The following GET1 variants were observed in gnomAD, a reference collection of about 807,000 sequenced individuals.
The protein encoded by GET1 is guided entry of tail-anchored proteins factor 1.
GET1 carries 20 observed loss-of-function variants against 22.6 expected under a neutral mutation model. The ratio of observed to expected loss-of-function variants is 0.89; its 90% CI spans 0.62 to 1.29. The LOEUF (loss-of-function observed/expected upper bound fraction) is 1.29, where lower values mean the gene tolerates loss of function less well. Ranked by LOEUF, GET1 falls within the 50% of genes most tolerant of loss-of-function variation. The pLI, the probability that GET1 is intolerant of heterozygous loss-of-function variation, is 0.00. For missense variants in GET1, 209 were observed against 219.9 expected (o/e 0.95, Z 0.31); for synonymous variants, 92 against 83.8 (o/e 1.10, Z -0.53).
Position 39,380,401 on chromosome 21 carries a change from C to T in GET1, c.17C>T (p.Ala6Val). The T allele has an allele frequency of 6.2e-7, 1 of 1,609,584 alleles. No individual in the cohort carries two copies. Among genetic ancestry groups the T allele is most frequent in the Non-Finnish European group, 8.5e-7 (1 of 1,177,758 alleles). MSSAAADHWAWLLVLS... is the reference protein window; with the variant it reads MSSAAVDHWAWLLVLS... ...GCGTCCGGGATGAGCTCAGCCGCGG[C>T]CGACCACTGGGCGTGGTTGCTGGTG... The change falls in exon 1 of 5, where the codon GCC (alanine) becomes GTC (valine). Residue 6 changes from alanine (A) to valine (V), a missense_variant. Physicochemically the swap from Ala to Val is moderately conservative, Grantham distance 64. Transcript: ENST00000649170.
intron 1 of GET1, among the ~76,000 whole-genome samples, chr21:39,419,891 A>T (rs764740045): frequency 3.9e-5 from 6 of 152,342 alleles, no homozygotes; most frequent in East Asian, 1.9e-4. Flanking sequence ...AAAATATTTT[A>T]AAAATTCTTA....
chr21:39,414,742 C>CTGTGTGTGTGTGTGTGTG (rs66478742), intron 1 of GET1, among the ~76,000 whole-genome samples: 8 of 99,234 alleles, frequency 8.1e-5, no homozygotes, highest in African/African-American at 2.6e-4. Flanking sequence ...CTCTCTCTCT[C>CTGTGTGTGTGTGTGTGTG]TGTGTGTGTG....
At chr21:39,393,486 G>T (rs1466292545) in intron 4 of GET1, among the ~76,000 whole-genome samples, 1 of 152,126 alleles carries the variant, frequency 6.6e-6, no homozygotes, top group East Asian at 1.9e-4. Flanking sequence ...AAATGTTAAG[G>T]AGCAAAGCTA....
chr21:39,383,108 C>A (rs1765781321), intron 1 of GET1, among the ~76,000 whole-genome samples: 1 of 150,714 alleles, frequency 6.6e-6, no homozygotes, highest in African/African-American at 2.4e-5. Flanking sequence ...CCACCACCAC[C>A]ACAACCGGCT....
chr21:39,403,682 C>T (rs1344417180), intron 4 of GET1, among the ~76,000 whole-genome samples: 7 of 150,744 alleles, frequency 4.6e-5, no homozygotes, highest in East Asian at 2.0e-4. Flanking sequence ...AGTGCAGTGG[C>T]GGGATCTTGG....
At position 39,393,275 on chromosome 21, in the gene GET1, T is replaced by C; in HGVS notation, c.446T>C (p.Val149Ala). The change falls in exon 4 of 5, where the codon GTA becomes GCA. Residue 149 changes from valine (V) to alanine (A), a missense_variant. Val to Ala is a moderately conservative substitution (Grantham distance 64). Transcript: ENST00000649170. ...LDRLVAFPTR[V>A]AGGVGITCWI... is the part of the protein sequence containing the mutation. ...CGCCTGGTAGCCTTTCCTACTAGAGTAGCAGGTAAGAATTTTCTGGAAGAT... is the reference window on the plus strand; with the variant it reads ...CGCCTGGTAGCCTTTCCTACTAGAGCAGCAGGTAAGAATTTTCTGGAAGAT... 1.9e-6 allele frequency: 3 copies of C among 1,613,094 alleles called. No homozygotes were observed. The highest frequency in any genetic ancestry group is 2.5e-6 in the Non-Finnish European group (3 of 1,179,166).
chr21:39,405,243 G>A (rs2038981399), intron 4 of GET1, among the ~76,000 whole-genome samples: 1 of 152,128 alleles, frequency 6.6e-6, no homozygotes, highest in South Asian at 2.1e-4. Flanking sequence ...GATTGCCCAA[G>A]CTAGAGTGCA....
rs753928143 is a variant in GET1, at chr21:39,420,857, A to G, written c.*24-7375A>G. The G allele has an allele frequency of 4.4e-6, 7 of 1,588,180 alleles. No individual in the cohort carries two copies. In the Middle Eastern group the frequency reaches 6.7e-4, roughly 152 times the overall value. ...TTTTTCCAAGCTCTGAAAACAGTAT[A>G]TATTATAACTATTCTGCAACCAAGT... On this transcript the variant is annotated intron_variant, in intron 1 of 1. Coordinates refer to the GET1 transcript ENST00000478273.
chr21:39,397,048 A>ATT lies in GET1; in HGVS notation c.*118_*119dup. 30 of 1,066,952 alleles carry ATT rather than the reference A, an allele frequency of 2.8e-5. No homozygotes were observed. The highest frequency in any genetic ancestry group is 5.0e-5 in the South Asian group (3 of 59,448). The allele number at this position is 1,066,952 out of a possible 1,614,324, so 66.1% of individuals were successfully genotyped here. A position where few individuals can be genotyped will look rare whatever the true frequency, so the allele number is the denominator to read the frequency against. On this transcript the variant is annotated 3_prime_UTR_variant, in exon 5 of 5. Coordinates refer to ENST00000649170, the MANE Select transcript of GET1 (RefSeq NM_004627.6). ...TAAGAAACAAAAGTGCATAGTTTAG[A>ATT]TTTTTTTTTTGTTGAATATGTTTGT...
chr21:39,390,658 C>T (rs200305169), intron 1 of GET1, 40 bp from the exon 2 acceptor site: 27 of 1,608,532 alleles, frequency 1.7e-5, no homozygotes, highest in African/African-American at 9.3e-5. Flanking sequence ...TCCTGTGACC[C>T]GTGTTGGAAG....
intron 4 of GET1, chr21:39,405,849 T>G: frequency 6.9e-7 from 1 of 1,454,392 alleles, no homozygotes; most frequent in Admixed American, 2.1e-5. Context: ...CAGCATTATA[T>G]CAAACCAGAA....
At chr21:39,417,381 T>A (rs948268679) in intron 1 of GET1, among the ~76,000 whole-genome samples, 1 of 152,212 alleles carries the variant, frequency 6.6e-6, no homozygotes, top group African/African-American at 2.4e-5. Context: ...TTTGTACTTA[T>A]GGAAATATTT....
At chr21:39,405,845 T>TTTG in intron 4 of GET1, 1 of 1,431,726 alleles carries the variant, frequency 7.0e-7, no homozygotes, top group African/African-American at 1.4e-5. Context: ...TAAGCAGCAT[T>TTTG]ATATCAAACC....
intron 4 of GET1, 87 bp downstream of exon 4, chr21:39,393,367 C>A: frequency 9.5e-7 from 1 of 1,048,886 alleles, no homozygotes; most frequent in Non-Finnish European, 1.4e-6. Context: ...GCCTGACATC[C>A]TCCTCACCGT....
At chr21:39,422,830 A>G (rs897083841) in intron 1 of GET1, 4 of 757,458 alleles carry the variant, frequency 5.3e-6, no homozygotes, top group African/African-American at 1.7e-5. Context: ...TGTGCCCTCT[A>G]TTAGACAACA....
At chr21:39,380,656 T>A in intron 1 of GET1, 170 bp downstream of exon 1, 1 of 1,422,552 alleles carries the variant, frequency 7.0e-7, no homozygotes, top group East Asian at 2.6e-5. Flanking sequence ...GGTACGACGC[T>A]TTACCCCAAA....
intron 1 of GET1, among the ~76,000 whole-genome samples, chr21:39,416,654 C>G (rs1011012742): frequency 6.9e-6 from 1 of 144,534 alleles, no homozygotes; most frequent in African/African-American, 2.7e-5. Flanking sequence ...CTCTATCTTA[C>G]TTCTGTATTT....
intron 1 of GET1, among the ~76,000 whole-genome samples, chr21:39,382,547 A>G (rs567692094): frequency 1.3e-5 from 2 of 152,328 alleles, no homozygotes; most frequent in South Asian, 2.1e-4. Context: ...TTCACTCAGC[A>G]TAATATCCTT....
In GET1 at chr21:39,391,785, T is replaced by C. The variant is rs1601623618; in HGVS notation, c.285T>C (p.Ala95=). The C allele has an allele frequency of 2.5e-6, 4 of 1,614,162 alleles. No individual in the cohort carries two copies. Among genetic ancestry groups the C allele is most frequent in the Non-Finnish European group, 3.4e-6 (4 of 1,180,020 alleles). The change falls in exon 3 of 5, where the codon GCT becomes GCC. Residue 95 remains alanine, a synonymous_variant. Transcript: ENST00000649170. The part of the protein sequence containing the change: ...KLKTHVKART[A]QLAKIKWVIS... ...TCCTTTCAGTGAAAGCTCGGACAGC[T>C]CAATTAGCCAAGATAAAATGGGTGA... is the stretch of plus-strand genomic sequence containing the variant.
Sources: gnomAD v4.1 joint callset for allele counts (sites outside exome capture counted in the v4.1 genomes callset) on GRCh38, gnomAD v4.1.1 for gene constraint, MANE v1.5 for transcripts, NCBI Gene and HGNC (gene_info 2026-07-23, HGNC 2026-07-21) for gene names.